GGA1: variants seen among roughly 807,000 people sequenced by gnomAD.
GGA1 encodes the protein ADP-ribosylation factor-binding protein GGA1.
A neutral mutation model predicts 76.9 loss-of-function variants in GGA1; 18 were observed. That is an observed-to-expected ratio of 0.23 (90% CI 0.16 to 0.35). GGA1 has a LOEUF of 0.35. Ranked by LOEUF, GGA1 falls within the 10% of genes least tolerant of loss-of-function variation. The pLI is 1.00. For missense variants in GGA1, 755 were observed against 859.0 expected, an observed-to-expected ratio of 0.88 and a Z score of 1.51; for synonymous variants, 342 against 354.7, an observed-to-expected ratio of 0.96 and a Z score of 0.40.
chr22:37,610,940 A>T (rs1334090704), intron 1 of GGA1, among the ~76,000 whole-genome samples: 1 of 152,228 alleles, frequency 6.6e-6, no homozygotes, highest in East Asian at 1.9e-4. Context: ...ATGTCTCATG[A>T]TGCCAGCGCT....
chr22:37,623,565 G>A lies in GGA1; in HGVS notation c.764G>A (p.Arg255His), dbSNP rs750216889. Reference protein sequence around the residue: ...SEDLMKELYQRCERMRPTLFR... With the variant: ...SEDLMKELYQHCERMRPTLFR... ...TGCTGCCCTCAGGAACTGTACCAGC[G>A]CTGTGAGCGGATGCGGCCCACGCTC... The change falls in exon 9 of 17, where the codon CGC (arginine) becomes CAC (histidine). Residue 255 changes from arginine to histidine, a missense_variant. Transcript: ENST00000343632. The surrounding 1 kb of genome is among the most constrained non-coding windows in gnomAD (Gnocchi z 4.6). 9.3e-6 allele frequency: 15 copies of A among 1,611,806 alleles called. No individual in the cohort carries two copies. The highest frequency in any genetic ancestry group is 1.2e-5 in the Non-Finnish European group (14 of 1,178,948).
In GGA1 at chr22:37,632,039, C is replaced by T. The variant is rs55740624; in HGVS notation, c.1572C>T (p.Arg524=). Residue 524 remains arginine (R), a synonymous_variant, in exon 15 of 17, where the codon CGC becomes CGT. Coordinates refer to ENST00000343632, the MANE Select transcript of GGA1 (RefSeq NM_013365.5). The surrounding 1 kb of genome is among the most constrained non-coding windows in gnomAD (Gnocchi z 5.1). ...CTGTGTATGACCAGCACGGCTTCCG[C>T]ATCCTCTTCCATTTTGCCCGGGACC... ...PVTVYDQHGF[R]ILFHFARDPL... 17,739 of 1,613,398 alleles carry T rather than the reference C, an allele frequency of 0.011. 135 individuals carry two copies. The highest frequency in any genetic ancestry group is 0.013 in the Non-Finnish European group (15,284 of 1,179,904).
chr22:37,616,752 C>T (rs992895952), intron 2 of GGA1, among the ~76,000 whole-genome samples, 170 bp from the exon 3 acceptor site: 3 of 152,150 alleles, frequency 2.0e-5, no homozygotes, highest in Middle Eastern at 3.2e-3. Flanking sequence ...CATATGCCTG[C>T]AGAAACCTTA....
chr22:37,612,813 G>T, intron 1 of GGA1: 2 of 539,520 alleles, frequency 3.7e-6, no homozygotes, highest in Non-Finnish European at 4.7e-6. Flanking sequence ...AGCTTTACAA[G>T]ATGGGGAAAT....
At chr22:37,618,270 A>G (rs1250437957) in intron 3 of GGA1, 178 bp from the exon 4 acceptor site, 1 of 585,648 alleles carries the variant, frequency 1.7e-6, no homozygotes, top group East Asian at 2.8e-5. Flanking sequence ...CCTATCTCCC[A>G]TGGGAGTGAT....
chr22:37,610,049 G>A (rs576849580), intron 1 of GGA1: 26 of 152,564 alleles, frequency 1.7e-4, no homozygotes, highest in African/African-American at 6.0e-4. Flanking sequence ...CGCCGGAAGT[G>A]TCCGCCTGGG....
chr22:37,621,729 CG>C, intron 7 of GGA1, 33 bp downstream of exon 7: 1 of 1,435,174 alleles, frequency 7.0e-7, no homozygotes, highest in Non-Finnish European at 9.6e-7. Flanking sequence ...AGGGAGGAGG[CG>C]GGATGGGGGT....
intron 3 of GGA1, 39 bp from the exon 4 acceptor site, chr22:37,618,409 G>A: frequency 1.6e-6 from 2 of 1,271,024 alleles, no homozygotes; most frequent in Non-Finnish European, 2.3e-6. Flanking sequence ...GGCCTCTGAT[G>A]CACCTGGGCG....
Position 37,624,136 on chromosome 22 carries a change from T to A in GGA1, c.832+503T>A, listed in dbSNP as rs1930384541. 6.1e-6 allele frequency: 1 copy of A among 164,786 alleles called. No homozygotes were observed. The highest frequency in any genetic ancestry group is 5.7e-5 in the Admixed American group (1 of 17,584). The allele number at this position is 164,786 out of a possible 1,614,324, so 10.2% of individuals were successfully genotyped here. Reference sequence around the variant, plus strand: ...CTGCCCACGTGTCAGCCTGGGCCACTTGGGCTGCGGTCTGGGTACCATCCA... The same window carrying A: ...CTGCCCACGTGTCAGCCTGGGCCACATGGGCTGCGGTCTGGGTACCATCCA... On this transcript the variant is annotated intron_variant, in intron 9 of 16. Coordinates refer to ENST00000343632, the MANE Select transcript of GGA1 (RefSeq NM_013365.5). The surrounding 1 kb of genome is among the most constrained non-coding windows in gnomAD (Gnocchi z 4.3).
At position 37,632,066 on chromosome 22, in the gene GGA1, A is replaced by G. The variant is rs12170061; in HGVS notation, c.1599A>G (p.Pro533=). ...FRILFHFARD[P]LPGRSDVLVV... is the part of the protein sequence containing the mutation. ...TCCTCTTCCATTTTGCCCGGGACCCACTGCCAGGGCGCTCCGACGTGCTGG... is the reference window on the plus strand; with the variant it reads ...TCCTCTTCCATTTTGCCCGGGACCCGCTGCCAGGGCGCTCCGACGTGCTGG... The change falls in exon 15 of 17, where the codon CCA becomes CCG. Residue 533 remains proline (P), a synonymous_variant. Transcript: ENST00000343632. This position sits in a 1 kb window ranked among gnomAD's most constrained non-coding sequence, Gnocchi z 5.1. 3,186 of 1,613,646 alleles carry G rather than the reference A, an allele frequency of 2.0e-3. 68 individuals are homozygous for G. The African/African-American group carries it at 0.037, about 19-fold the overall frequency.
In GGA1 at chr22:37,624,788, T is replaced by TGGGAGGTGAGACCA. The variant is rs1930509579; in HGVS notation, c.833-172_833-159dup. The TGGGAGGTGAGACCA allele has an allele frequency of 1.3e-6, 1 of 745,550 alleles. No homozygotes were observed. Among genetic ancestry groups the TGGGAGGTGAGACCA allele is most frequent in the African/African-American group, 1.8e-5 (1 of 56,456 alleles). The allele number at this position is 745,550 out of a possible 1,614,324, so 46.2% of individuals were successfully genotyped here. On this transcript the variant is annotated intron_variant, in intron 9 of 16. Coordinates refer to ENST00000343632, the MANE Select transcript of GGA1 (RefSeq NM_013365.5). This position sits in a 1 kb window ranked among gnomAD's most constrained non-coding sequence, Gnocchi z 4.3. ...TGGCAGGGAGTGAATGAGGGAAGGGTGGGAGGTGAGACCAGGGAGGTGGCG... is the reference window on the plus strand; with the variant it reads ...TGGCAGGGAGTGAATGAGGGAAGGGTGGGAGGTGAGACCAGGGAGGTGAGACCAGGGAGGTGGCG...
rs1192245741 is a variant in GGA1, at chr22:37,620,333, A to G, written c.399A>G (p.Ala133=). The G allele has an allele frequency of 6.2e-7, 1 of 1,614,072 alleles. No individual in the cohort carries two copies. Among genetic ancestry groups the G allele is most frequent in the Non-Finnish European group, 8.5e-7 (1 of 1,180,004 alleles). The change falls in exon 5 of 17, where the codon GCA becomes GCG. Residue 133 remains alanine (A), a synonymous_variant. Transcript: ENST00000343632. ...TVGLPEEVKI[A]EAYQMLKKQG... is the part of the protein sequence containing the mutation. ...GCCTGCCCGAGGAGGTGAAAATCGC[A>G]GAGGCCTACCAGATGCTAAAGAAGC... is the stretch of plus-strand genomic sequence containing the variant.
chr22:37,609,455 G>T (rs1046287784), intron 1 of GGA1: 2 of 369,006 alleles, frequency 5.4e-6, no homozygotes, highest in Non-Finnish European at 8.1e-6. Flanking sequence ...CACATAGTGA[G>T]AAACCCCCGC....
At chr22:37,630,652 C>T in intron 13 of GGA1, 1 of 528,942 alleles carries the variant, frequency 1.9e-6, no homozygotes, top group South Asian at 2.5e-5. Flanking sequence ...CTGCAACCTC[C>T]ATCTCCCAAA....
At position 37,625,173 on chromosome 22, in the gene GGA1, C is replaced by T; in HGVS notation, c.940+97C>T. On this transcript the variant is annotated intron_variant, in intron 10 of 16. Transcript: ENST00000343632. This position sits in a 1 kb window ranked among gnomAD's most constrained non-coding sequence, Gnocchi z 4.1. ...GCTGGTCTCAGAGCGGCTGGAATGA[C>T]TGCCAGGGTGACCCTGGCCCCTTAA... is the stretch of plus-strand genomic sequence containing the variant. 1 of 1,129,840 alleles carries T rather than the reference C, an allele frequency of 8.9e-7. No individual in the cohort carries two copies. The highest frequency in any genetic ancestry group is 1.3e-6 in the Non-Finnish European group (1 of 777,216). The allele number at this position is 1,129,840 out of a possible 1,614,324, so 70.0% of individuals were successfully genotyped here. A position where few individuals can be genotyped will look rare whatever the true frequency, so the allele number is the denominator to read the frequency against.
In GGA1 at chr22:37,625,803, C is replaced by T. The variant is rs765008609; in HGVS notation, c.947C>T (p.Thr316Ile). The T allele has an allele frequency of 6.3e-7, 1 of 1,581,342 alleles. No homozygotes were observed. Among genetic ancestry groups the T allele is most frequent in the South Asian group, 1.2e-5 (1 of 86,440 alleles). ...DATAGSIPGSTSALLDLSGLD... is the reference protein window; with the variant it reads ...DATAGSIPGSISALLDLSGLD... ...CTCTTCTTTCCCACCCCAGGGAGCA[C>T]CTCGGCCCTGCTGGATCTCTCAGGC... The change falls in exon 11 of 17, where the codon ACC becomes ATC. Residue 316 changes from threonine to isoleucine, a missense_variant. Thr to Ile is a moderately conservative substitution (Grantham distance 89). Coordinates refer to ENST00000343632, the MANE Select transcript of GGA1 (RefSeq NM_013365.5). This position sits in a 1 kb window ranked among gnomAD's most constrained non-coding sequence, Gnocchi z 4.1.
chr22:37,631,915 A>C (rs1931864230), intron 14 of GGA1, 81 bp from the exon 15 acceptor site: 1 of 1,292,418 alleles, frequency 7.7e-7, no homozygotes, highest in East Asian at 2.4e-5. Flanking sequence ...CCAGCTCCTG[A>C]GGCCAGCCGG....
chr22:37,627,447 C>A (rs186332718), intron 11 of GGA1, among the ~76,000 whole-genome samples: 1 of 152,182 alleles, frequency 6.6e-6, no homozygotes, highest in African/African-American at 2.4e-5. Flanking sequence ...CAGCCGCCCC[C>A]TCTTCATTCA....
At position 37,608,870 on chromosome 22, in the gene GGA1, G is replaced by A. The variant is rs1347433540; in HGVS notation, c.10G>A (p.Ala4Thr). 1.5e-6 allele frequency: 2 copies of A among 1,305,570 alleles called. No individual in the cohort carries two copies. Among genetic ancestry groups the A allele is most frequent in the Admixed American group, 4.2e-5 (1 of 23,872 alleles). The allele number at this position is 1,305,570 out of a possible 1,614,324, so 80.9% of individuals were successfully genotyped here. Reference sequence around the variant, plus strand: ...TGGGGGCCGGTGGCGGATGGAGCCCGCGATGGAGCCGGAGACTCTGGAGGC... The same window carrying A: ...TGGGGGCCGGTGGCGGATGGAGCCCACGATGGAGCCGGAGACTCTGGAGGC... MEP[A>T]MEPETLEARI... Residue 4 changes from alanine to threonine, a missense_variant, in exon 1 of 17, where the codon GCG becomes ACG. Ala to Thr is a moderately conservative substitution (Grantham distance 58). Coordinates refer to ENST00000343632, the MANE Select transcript of GGA1 (RefSeq NM_013365.5).
Sources: allele counts gnomAD v4.1 joint callset (sites outside exome capture counted in the v4.1 genomes callset), GRCh38; gene constraint gnomAD v4.1.1; non-coding constraint Gnocchi (gnomAD v3.1); transcripts MANE v1.5; gene names NCBI Gene and HGNC (gene_info 2026-07-23, HGNC 2026-07-21).